Variants in PMF1 observed in about 807,000 individuals in gnomAD.
PMF1 encodes the protein polyamine modulated factor 1, also known as polyamine-modulated factor 1.
PMF1 carries 21 observed loss-of-function variants against 26.7 expected under a neutral mutation model. The observed-to-expected ratio is 0.79, with a 90% CI of 0.56 to 1.13. The LOEUF is 1.13. Among genes scored for constraint, PMF1 ranks in the 50% most tolerant of loss-of-function variants. The pLI, the probability that PMF1 is intolerant of heterozygous loss-of-function variation, is 0.00. For missense variants in PMF1, 266 were observed against 254.9 expected (o/e 1.04, Z -0.30); for synonymous variants, 105 against 101.0 (o/e 1.04, Z -0.24).
chr1:156,213,638 G>C lies in PMF1; in HGVS notation c.161+462G>C, dbSNP rs558201831. ...TGCTCCCGCGCCCGGCTACAGATCA[G>C]GGTTTAAGTCGCGGCCCACCACTAT... On this transcript the variant is annotated intron_variant, in intron 1 of 4. Transcript: ENST00000368277. 2.9e-3 allele frequency among the ~76,000 whole-genome samples: 446 copies of C among 151,848 alleles called. 4 individuals are homozygous for C. The highest frequency in any genetic ancestry group is 4.2e-3 in the Non-Finnish European group (288 of 67,902).
Position 156,232,443 on chromosome 1 carries a change from T to A in PMF1, c.267+18T>A. 6.2e-7 allele frequency: 1 copy of A among 1,611,822 alleles called. No homozygotes were observed. Among genetic ancestry groups the A allele is most frequent in the South Asian group, 1.1e-5 (1 of 91,010 alleles). On this transcript the variant is annotated intron_variant, in intron 2 of 4. Transcript: ENST00000368277. ...CTATCCGGGTGAGTGGCGGGAAGCC[T>A]GGCAGGTGCTGTTGACTTGGGTTCT...
intron 1 of PMF1, among the ~76,000 whole-genome samples, chr1:156,218,423 A>G (rs2540173): frequency 0.42 from 63,806 of 151,998 alleles, 14,892 homozygotes; most frequent in African/African-American, 0.63. Context: ...CCCTTCATGA[A>G]CTGCATGGAT....
chr1:156,234,528 A>T (rs560037556), intron 3 of PMF1, among the ~76,000 whole-genome samples: 4 of 151,814 alleles, frequency 2.6e-5, no homozygotes, highest in Admixed American at 2.6e-4. Context: ...ATTTTTTTTA[A>T]GACAGAGTCT....
chr1:156,223,885 A>C (rs892266008), intron 1 of PMF1: 2 of 152,166 alleles, frequency 1.3e-5, no homozygotes, highest in African/African-American at 4.8e-5. Context: ...CAGGAATTGT[A>C]CTGTTTCGTC....
chr1:156,239,594 CTGAG>C lies in PMF1; in HGVS notation c.616_*1del. 1 of 1,612,386 alleles carries C rather than the reference CTGAG, an allele frequency of 6.2e-7. No individual in the cohort carries two copies. ...GAGCTGGTTGCTGTGCTGAGGGAGC[CTGAG>C]TGAGGAGACCGCCAGCCCCAGAAGC... On this transcript the variant is annotated frameshift_variant, in exon 5 of 5. Coordinates refer to ENST00000368277, the MANE Select transcript of PMF1 (RefSeq NM_007221.4). LOFTEE classifies it high-confidence loss of function.
intron 1 of PMF1, among the ~76,000 whole-genome samples, chr1:156,217,743 AC>A (rs1190507099): frequency 2.2e-4 from 34 of 151,414 alleles, no homozygotes; most frequent in Non-Finnish European, 4.3e-4. Flanking sequence ...AAAAAAAAAA[AC>A]AAAACTAACC....
In PMF1 at chr1:156,236,364, C is replaced by T. The variant is rs140410413; in HGVS notation, c.445C>T (p.Arg149Trp). 5.9e-3 allele frequency: 9,546 copies of T among 1,614,208 alleles called. 57 individuals are homozygous for T. Among genetic ancestry groups the T allele is most frequent in the South Asian group, 0.019 (1,708 of 91,086 alleles). ...PYFLQQRDTLRRHVQKQEAEN... is the reference protein window; with the variant it reads ...PYFLQQRDTLWRHVQKQEAEN... ...CTTCCTGCAGCAACGGGACACCCTG[C>T]GGCGCCATGTGCAGAAACAGGAGGC... The change falls in exon 4 of 5, where the codon CGG (arginine) becomes TGG (tryptophan). Residue 149 changes from arginine (R) to tryptophan (W), a missense_variant. Transcript: ENST00000368277.
chr1:156,236,734 C>T (rs942731215), intron 4 of PMF1: 14 of 547,636 alleles, frequency 2.6e-5, no homozygotes, highest in Non-Finnish European at 3.5e-5. Flanking sequence ...GGTGAGGACC[C>T]AGGCCCAGAG....
At chr1:156,219,166 G>A (rs568663204) in intron 1 of PMF1, among the ~76,000 whole-genome samples, 19 of 152,014 alleles carry the variant, frequency 1.2e-4, no homozygotes, top group African/African-American at 3.9e-4. Flanking sequence ...TGATTCGCCC[G>A]CCTCAGCCTC....
At chr1:156,235,435 A>ATTTTT (rs36002644) in intron 3 of PMF1, among the ~76,000 whole-genome samples, 1 of 69,086 alleles carries the variant, frequency 1.4e-5, no homozygotes, top group African/African-American at 5.2e-5. Flanking sequence ...TTGAAAAATA[A>ATTTTT]TTTTTTTTTT....
chr1:156,232,527 T>C (rs1168262134), intron 2 of PMF1, 102 bp downstream of exon 2: 14 of 1,128,396 alleles, frequency 1.2e-5, no homozygotes, highest in Non-Finnish European at 1.7e-5. Flanking sequence ...CTCTGTCTCC[T>C]CAGCCCCTAG....
chr1:156,213,267 A>T (rs1221514318), intron 1 of PMF1, 91 bp downstream of exon 1: 1 of 1,545,720 alleles, frequency 6.5e-7, no homozygotes, highest in Non-Finnish European at 8.7e-7. Context: ...GCGCGCGGTG[A>T]CGTGGGTCCG....
At chr1:156,216,819 G>A (rs927728599) in intron 1 of PMF1, among the ~76,000 whole-genome samples, 3 of 151,878 alleles carry the variant, frequency 2.0e-5, no homozygotes, top group African/African-American at 7.2e-5. Flanking sequence ...GGCCAGGGCC[G>A]ATCGACTCGC....
chr1:156,223,579 A>G (rs1307876856), intron 1 of PMF1: 7 of 152,156 alleles, frequency 4.6e-5, no homozygotes. Flanking sequence ...TCAGTGAGTT[A>G]TGTAGAGTAC....
At chr1:156,225,729 C>T (rs1658339582) in intron 1 of PMF1, 2 of 777,594 alleles carry the variant, frequency 2.6e-6, no homozygotes, top group South Asian at 1.7e-5. Context: ...ATTGTGTTAC[C>T]CTCTTTTATC....
At chr1:156,214,878 A>ATT (rs1371440310) in intron 1 of PMF1, among the ~76,000 whole-genome samples, 2 of 148,998 alleles carry the variant, frequency 1.3e-5, no homozygotes, top group African/African-American at 2.5e-5. Flanking sequence ...TATTATTATT[A>ATT]TTATTATTTT....
chr1:156,222,252 C>T (rs1311309652), intron 1 of PMF1, among the ~76,000 whole-genome samples: 1 of 152,212 alleles, frequency 6.6e-6, no homozygotes, highest in African/African-American at 2.4e-5. Flanking sequence ...CTGCCTTCAC[C>T]CCTGCCACCT....
rs761830699 is a variant in PMF1 at position 156,236,386 on chromosome 1, A to G, written c.467A>G (p.Glu156Gly). 7 of 1,614,094 alleles carry G rather than the reference A, an allele frequency of 4.3e-6. No homozygotes were observed. The African/African-American group carries it at 5.3e-5, about 12-fold the overall frequency. ...CTGCGGCGCCATGTGCAGAAACAGG[A>G]GGCCGAGAACCAGCAGCTGGCAGAT... The part of the protein sequence containing the change: ...DTLRRHVQKQ[E>G]AENQQLADAV... Residue 156 changes from glutamate to glycine, a missense_variant, in exon 4 of 5, where the codon GAG (glutamate) becomes GGG (glycine). By Grantham distance (98) the Glu-to-Gly change is moderately conservative (BLOSUM62 -2). Transcript: ENST00000368277.
At chr1:156,232,032 C>A (rs186933506) in intron 1 of PMF1, among the ~76,000 whole-genome samples, 2 of 152,318 alleles carry the variant, frequency 1.3e-5, no homozygotes, top group East Asian at 3.9e-4. Context: ...AACCCGAGAG[C>A]TTGCTAGAAA....
Sources: gnomAD v4.1 joint callset for allele counts (sites outside exome capture counted in the v4.1 genomes callset) on GRCh38, gnomAD v4.1.1 for gene constraint, MANE v1.5 for transcripts, NCBI Gene and HGNC (gene_info 2026-07-23, HGNC 2026-07-21) for gene names.